The following PRKN variants were observed in gnomAD, a reference collection of about 807,000 sequenced individuals.
The protein encoded by PRKN is E3 ubiquitin-protein ligase parkin.
Under a neutral mutation model 59.5 loss-of-function variants are expected in PRKN, and 56 were observed. That is an observed-to-expected ratio of 0.94 (90% CI 0.76 to 1.18). The LOEUF (loss-of-function observed/expected upper bound fraction) is 1.18, where lower values mean the gene tolerates loss of function less well. PRKN is among the 50% of genes most tolerant of loss of function. The pLI, the probability that PRKN is intolerant of heterozygous loss-of-function variation, is 0.00. For synonymous variants in PRKN, 250 were observed against 222.1 expected (o/e 1.13, Z -1.12); for missense variants, 657 against 596.4 (o/e 1.10, Z -1.06).
At chr6:162,389,319 C>A (rs1415921840) in intron 2 of PRKN, among the ~76,000 whole-genome samples, 1 of 151,880 alleles carries the variant, frequency 6.6e-6, no homozygotes, top group Non-Finnish European at 1.5e-5. Context: ...AGGTGATGAG[C>A]AAAGCTACCT....
At position 162,346,619 on chromosome 6, in the gene PRKN, C is replaced by A. The variant is rs542593362; in HGVS notation, c.172-83854G>T. 3.6e-4 allele frequency among the ~76,000 whole-genome samples: 55 copies of A among 151,938 alleles called. 1 individual carries two copies. The highest frequency in any genetic ancestry group is 6.9e-4 in the Non-Finnish European group (47 of 67,958). On this transcript the variant is annotated intron_variant, in intron 2 of 11. Transcript: ENST00000366898. Reference sequence around the variant, plus strand: ...CTGGGTGACAGAGTGAGACCTTGCCCCCATACCCCCACCCCCAAAAACAAG... The same window carrying A: ...CTGGGTGACAGAGTGAGACCTTGCCACCATACCCCCACCCCCAAAAACAAG...
intron 6 of PRKN, among the ~76,000 whole-genome samples, chr6:161,789,498 C>T (rs1037903693): frequency 8.5e-5 from 13 of 152,154 alleles, no homozygotes; most frequent in Non-Finnish European, 1.9e-4. Context: ...CGGTAATACT[C>T]ACCTTCATAT....
chr6:162,269,955 G>C (rs1024995975), intron 2 of PRKN: 2 of 152,150 alleles, frequency 1.3e-5, no homozygotes, highest in African/African-American at 4.8e-5. Context: ...ACAGAAAATA[G>C]TGTGGAGATT....
In PRKN at chr6:161,385,479, T is replaced by C. The variant is rs1786199306; in HGVS notation, c.1167+1315A>G. On this transcript the variant is annotated intron_variant, in intron 10 of 11. Coordinates refer to ENST00000366898, the MANE Select transcript of PRKN (RefSeq NM_004562.3). The surrounding 1 kb of genome is among the most constrained non-coding windows in gnomAD (Gnocchi z 4.9). ...TAACACCAAGGCTGGATGGTTCCTC[T>C]TGACTGAAGAATGAATGGGATTAGA... Among the ~76,000 whole-genome samples the C allele has an allele frequency of 6.6e-6, 1 of 152,196 alleles. No homozygotes were observed. Among genetic ancestry groups the C allele is most frequent in the South Asian group, 2.1e-4 (1 of 4,824 alleles).
At position 161,515,264 on chromosome 6, in the gene PRKN, C is replaced by G. The variant is rs544197243; in HGVS notation, c.1083+33590G>C. Among the ~76,000 whole-genome samples, 110 of 152,144 alleles carry G rather than the reference C, an allele frequency of 7.2e-4. 3 individuals carry two copies. In the South Asian group the frequency reaches 0.022, roughly 30 times the overall value. On this transcript the variant is annotated intron_variant, in intron 9 of 11. Coordinates refer to ENST00000366898, the MANE Select transcript of PRKN (RefSeq NM_004562.3). ...CTTCCTGTTATCTGAAAACACAGAA[C>G]AGCGTTAGATAATTTAAAATGAAAA...
intron 6 of PRKN, among the ~76,000 whole-genome samples, chr6:161,822,008 G>A (rs1322944810): frequency 7.9e-5 from 12 of 151,752 alleles, no homozygotes; most frequent in Non-Finnish European, 1.8e-4. Flanking sequence ...CTGGCCCCTG[G>A]CATCTTTAAA....
chr6:162,484,864 T>C (rs748376354), intron 1 of PRKN, among the ~76,000 whole-genome samples: 31 of 152,224 alleles, frequency 2.0e-4, no homozygotes, highest in South Asian at 6.2e-4. Flanking sequence ...ATCACTTACA[T>C]TAAATGGTTT....
rs112637394 is a variant in PRKN, at chr6:162,197,832, T to C, written c.534+3299A>G. ...AGGGTATGAATTCATGGAGTCAACA[T>C]AGAAAATTTCGAATACAAATGCTAT... On this transcript the variant is annotated intron_variant, in intron 4 of 11. Coordinates refer to ENST00000366898, the MANE Select transcript of PRKN (RefSeq NM_004562.3). Among the ~76,000 whole-genome samples the C allele has an allele frequency of 3.3e-3, 510 of 152,338 alleles. 2 individuals are homozygous for C. Among genetic ancestry groups the C allele is most frequent in the African/African-American group, 0.012 (479 of 41,590 alleles).
rs771960521 is a variant in PRKN at position 162,213,084 on chromosome 6, ATCAG to A, written c.413-11836_413-11833del. 5.9e-5 allele frequency among the ~76,000 whole-genome samples: 9 copies of A among 152,198 alleles called. No individual in the cohort carries two copies. The East Asian group carries it at 9.6e-4, about 16-fold the overall frequency. On this transcript the variant is annotated intron_variant, in intron 3 of 11. Coordinates refer to ENST00000366898, the MANE Select transcript of PRKN (RefSeq NM_004562.3). Reference sequence around the variant, plus strand: ...AAATGAAGATATAAATTGATAATTTATCAGTCAGTATCTAGCTTTCTAAATGTAC... The same window carrying A: ...AAATGAAGATATAAATTGATAATTTATCAGTATCTAGCTTTCTAAATGTAC...
intron 8 of PRKN, among the ~76,000 whole-genome samples, chr6:161,564,751 C>G (rs1455518159): frequency 2.0e-5 from 3 of 152,122 alleles, no homozygotes. Context: ...TCTCATTTCT[C>G]AAATCTTCAG....
rs184477961 is a variant in PRKN at position 161,592,354 on chromosome 6, C to A, written c.872-22938G>T. ...AATATAAGGAGACAATGCATTAAGC[C>A]CATCTGTTAATTTTGATTAGTTTTA... On this transcript the variant is annotated intron_variant, in intron 7 of 11. Coordinates refer to ENST00000366898, the MANE Select transcript of PRKN (RefSeq NM_004562.3). This position sits in a 1 kb window ranked among gnomAD's most constrained non-coding sequence, Gnocchi z 4.8. Among the ~76,000 whole-genome samples, 108 of 152,070 alleles carry A rather than the reference C, an allele frequency of 7.1e-4. No homozygotes were observed. Among genetic ancestry groups the A allele is most frequent in the African/African-American group, 2.5e-3 (103 of 41,482 alleles).
chr6:162,725,249 A>C (rs370447895), intron 1 of PRKN, among the ~76,000 whole-genome samples: 3 of 152,204 alleles, frequency 2.0e-5, no homozygotes, highest in African/African-American at 7.2e-5. Context: ...TTTGAGAAGC[A>C]CTCTTACCTT....
chr6:162,643,583 A>C (rs890546644), intron 1 of PRKN, among the ~76,000 whole-genome samples: 1 of 152,100 alleles, frequency 6.6e-6, no homozygotes, highest in Non-Finnish European at 1.5e-5. Context: ...TGCTGTGGGA[A>C]AGGGTGAGCT....
intron 1 of PRKN, among the ~76,000 whole-genome samples, chr6:162,653,676 A>G (rs574220019): frequency 3.3e-5 from 5 of 152,182 alleles, no homozygotes; most frequent in Non-Finnish European, 7.4e-5. Context: ...TTTCCCTTGC[A>G]TAAAAGACAA....
intron 10 of PRKN, among the ~76,000 whole-genome samples, chr6:161,384,861 T>TTACTGAATTACTGTA: frequency 6.6e-6 from 1 of 152,196 alleles, no homozygotes; most frequent in East Asian, 1.9e-4. Flanking sequence ...GTAATTACGA[T>TTACTGAATTACTGTA]ATTCATTTTC....
At chr6:161,617,149 C>T (rs1395729090) in intron 7 of PRKN, among the ~76,000 whole-genome samples, 1 of 152,212 alleles carries the variant, frequency 6.6e-6, no homozygotes. Flanking sequence ...TTTCATTTCT[C>T]CAATGACCAG....
At chr6:162,220,447 T>C (rs1777877334) in intron 3 of PRKN, among the ~76,000 whole-genome samples, 1 of 152,014 alleles carries the variant, frequency 6.6e-6, no homozygotes, top group African/African-American at 2.4e-5. Context: ...AGGCCAGAGT[T>C]CATGGGGGAA....
At chr6:162,042,714 A>C (rs1784111711) in intron 5 of PRKN, among the ~76,000 whole-genome samples, 1 of 152,154 alleles carries the variant, frequency 6.6e-6, no homozygotes, top group African/African-American at 2.4e-5. Context: ...ACCAAATTAG[A>C]ATTGATTCTC....
intron 1 of PRKN, among the ~76,000 whole-genome samples, chr6:162,648,414 C>T (rs890568544): frequency 1.4e-5 from 2 of 139,936 alleles, no homozygotes; most frequent in Non-Finnish European, 1.5e-5. Flanking sequence ...TGGAGTCTTG[C>T]TCTGTTTCCC....
Sources: gnomAD v4.1 joint callset for allele counts (sites outside exome capture counted in the v4.1 genomes callset) on GRCh38, gnomAD v4.1.1 for gene constraint, Gnocchi (gnomAD v3.1) non-coding constraint, MANE v1.5 for transcripts, NCBI Gene and HGNC (gene_info 2026-07-23, HGNC 2026-07-21) for gene names.